The following LRBA variants were observed in gnomAD, a reference collection of about 807,000 sequenced individuals.
LRBA encodes the protein LPS responsive beige-like anchor protein, also known as lipopolysaccharide-responsive and beige-like anchor protein.
LRBA carries 176 observed loss-of-function variants against 330.0 expected under a neutral mutation model. The observed-to-expected ratio is 0.53, with a 90% confidence interval of 0.47 to 0.60. The LOEUF (loss-of-function observed/expected upper bound fraction) is 0.60. LRBA is among the 20% of genes least tolerant of loss of function. The pLI is 0.00. For missense variants in LRBA, 3,259 were observed against 3,444.8 expected (o/e 0.95, Z 1.35); for synonymous variants, 1,230 against 1,193.0 (o/e 1.03, Z -0.64).
At chr4:150,463,613 T>C (rs370137877) in intron 44 of LRBA, among the ~76,000 whole-genome samples, 3 of 152,092 alleles carry the variant, frequency 2.0e-5, no homozygotes. Context: ...GGGCATAAGG[T>C]AACCTTATTT....
At chr4:150,944,800 T>C (rs573330654) in intron 2 of LRBA, among the ~76,000 whole-genome samples, 2 of 152,312 alleles carry the variant, frequency 1.3e-5, no homozygotes, top group South Asian at 2.1e-4. Context: ...TCATCTTGAA[T>C]TGCAGCTCCC....
chr4:150,423,287 C>T, intron 46 of LRBA: 2 of 845,324 alleles, frequency 2.4e-6, no homozygotes, highest in South Asian at 3.0e-5. Context: ...GGGGTGTCTC[C>T]CTTCAAACAT....
chr4:150,364,987 A>G (rs529135022), intron 47 of LRBA, among the ~76,000 whole-genome samples: 2 of 152,084 alleles, frequency 1.3e-5, no homozygotes, highest in South Asian at 4.2e-4. Flanking sequence ...ATACACACAC[A>G]GAGAGAAAGT....
chr4:150,288,434 C>G (rs1047673204), intron 53 of LRBA, among the ~76,000 whole-genome samples: 1 of 152,024 alleles, frequency 6.6e-6, no homozygotes, highest in East Asian at 1.9e-4. Context: ...ATGGTGAAAC[C>G]CTGCCTCTAC....
intron 46 of LRBA, among the ~76,000 whole-genome samples, chr4:150,416,493 G>A (rs924899979): frequency 6.6e-6 from 1 of 152,184 alleles, no homozygotes; most frequent in African/African-American, 2.4e-5. Context: ...TGATCCATGT[G>A]AAATGTTGCC....
intron 2 of LRBA, among the ~76,000 whole-genome samples, chr4:150,952,498 T>TA (rs555222213): frequency 1.2e-4 from 18 of 151,656 alleles, no homozygotes; most frequent in Admixed American, 2.0e-4. Flanking sequence ...CTTTAAACAA[T>TA]AAAAAAAAGG....
chr4:150,841,049 T>G (rs1340528853), intron 28 of LRBA: 12 of 1,150,434 alleles, frequency 1.0e-5, no homozygotes. Flanking sequence ...TAATGACTTC[T>G]TAGTCTGTTG....
intron 22 of LRBA, 93 bp downstream of exon 22, chr4:150,867,576 TCC>T: frequency 1.1e-6 from 1 of 932,728 alleles, no homozygotes; most frequent in South Asian, 1.8e-5. Flanking sequence ...TTGCCTTTTT[TCC>T]TTGATTTTAA....
intron 40 of LRBA, among the ~76,000 whole-genome samples, chr4:150,498,932 G>A (rs1178426732): frequency 6.6e-6 from 1 of 152,058 alleles, no homozygotes; most frequent in Non-Finnish European, 1.5e-5. Context: ...AAAGAGTTTT[G>A]TCTAATTCAA....
At chr4:150,623,511 T>C (rs776565726) in intron 37 of LRBA, among the ~76,000 whole-genome samples, 1 of 152,148 alleles carries the variant, frequency 6.6e-6, no homozygotes, top group Non-Finnish European at 1.5e-5. Flanking sequence ...AAAAAGTTAG[T>C]AGCTAATATA....
chr4:150,373,164 TGTGTGTGTGAGAGAGAGA>T (rs1261624861), intron 47 of LRBA, among the ~76,000 whole-genome samples: 3 of 135,220 alleles, frequency 2.2e-5, no homozygotes, highest in Non-Finnish European at 4.8e-5. Context: ...TGTGTGTGTG[TGTGTGTGTGAGAGAGAGA>T]GAGAGAGAGA....
intron 37 of LRBA, among the ~76,000 whole-genome samples, chr4:150,637,327 T>C (rs1038404590): frequency 3.3e-5 from 5 of 152,174 alleles, no homozygotes; most frequent in Non-Finnish European, 5.9e-5. Context: ...GGTGTCTTAA[T>C]TACTGTATCT....
intron 40 of LRBA, among the ~76,000 whole-genome samples, chr4:150,552,745 C>T (rs537736905): frequency 1.5e-4 from 23 of 152,212 alleles, no homozygotes; most frequent in Non-Finnish European, 3.2e-4. Flanking sequence ...TTGGAACCAA[C>T]CCAAATGTCC....
Position 150,457,458 on chromosome 4 carries a change from T to C in LRBA, c.6780+10215A>G, listed in dbSNP as rs533889510. On this transcript the variant is annotated intron_variant, in intron 44 of 56. Coordinates refer to ENST00000651943, the MANE Select transcript of LRBA (RefSeq NM_001364905.1). The stretch of plus-strand genomic sequence containing the variant: ...ATTGAATAGAACTTGGAGAATAGAA[T>C]TGGACAGGAATTTGAACATAAGAAT... Among the ~76,000 whole-genome samples, 6 of 152,050 alleles carry C rather than the reference T, an allele frequency of 3.9e-5. No homozygotes were observed. In the East Asian group the frequency reaches 1.2e-3, roughly 29 times the overall value.
intron 37 of LRBA, among the ~76,000 whole-genome samples, chr4:150,655,224 C>T (rs919816285): frequency 2.0e-5 from 3 of 152,098 alleles, no homozygotes; most frequent in Non-Finnish European, 4.4e-5. Flanking sequence ...ATTACATTTG[C>T]CCCTCCCCAT....
chr4:150,289,560 C>T (rs1288348230), intron 53 of LRBA, among the ~76,000 whole-genome samples: 4 of 152,118 alleles, frequency 2.6e-5, no homozygotes, highest in Non-Finnish European at 4.4e-5. Flanking sequence ...AAAAAGACAG[C>T]GCTACTTAAC....
intron 33 of LRBA, among the ~76,000 whole-genome samples, chr4:150,803,698 C>T (rs560596746): frequency 4.1e-4 from 62 of 152,186 alleles, no homozygotes; most frequent in Middle Eastern, 3.4e-3. Flanking sequence ...CAAAACATTC[C>T]TCACAACATA....
chr4:150,286,602 G>GA (rs997608074), intron 53 of LRBA, among the ~76,000 whole-genome samples: 6 of 129,358 alleles, frequency 4.6e-5, no homozygotes, highest in East Asian at 2.3e-4. Flanking sequence ...TCAAATAACC[G>GA]AAAAAAAACC....
intron 48 of LRBA, among the ~76,000 whole-genome samples, chr4:150,326,748 T>C (rs1280305230): frequency 6.6e-6 from 1 of 152,138 alleles, no homozygotes; most frequent in Non-Finnish European, 1.5e-5. Context: ...GATCCCTAAA[T>C]TGGCTGAATG....
Sources: gnomAD v4.1 joint callset for allele counts (sites outside exome capture counted in the v4.1 genomes callset) on GRCh38, gnomAD v4.1.1 for gene constraint, MANE v1.5 for transcripts, NCBI Gene and HGNC (gene_info 2026-07-23, HGNC 2026-07-21) for gene names.